FAF1: variants seen among roughly 807,000 people sequenced by gnomAD.
FAF1 encodes FAS-associated factor 1.
Under a neutral mutation model 92.5 loss-of-function variants are expected in FAF1, and 25 were observed. The ratio of observed to expected loss-of-function variants is 0.27; its 90% CI spans 0.20 to 0.38. The LOEUF is 0.38. Ranked by LOEUF, FAF1 falls within the 10% of genes least tolerant of loss-of-function variation. The pLI is 1.00. For synonymous variants in FAF1, 234 were observed against 273.2 expected (o/e 0.86, Z 1.42); for missense variants, 636 against 793.3 (o/e 0.80, Z 2.38).
At position 50,918,735 on chromosome 1, in the gene FAF1, A is replaced by G. The variant is rs2124730252; in HGVS notation, c.45+41032T>C. ...TAATGGGATGGCTGGGTCAAATGGT[A>G]TTTCTAGTTCTAGATCCCTGAGGAA... On this transcript the variant is annotated intron_variant, in intron 1 of 18. Transcript: ENST00000396153. 2.6e-5 allele frequency among the ~76,000 whole-genome samples: 3 copies of G among 116,050 alleles called. No homozygotes were observed. In the South Asian group the frequency reaches 1.0e-3, roughly 39 times the overall value. 76.1% of individuals were successfully genotyped at this position (116,050 alleles called of 152,430 possible).
chr1:50,733,685 A>G (rs909758949), intron 6 of FAF1, among the ~76,000 whole-genome samples: 15 of 152,242 alleles, frequency 9.9e-5, no homozygotes, highest in African/African-American at 3.6e-4. Context: ...GAGAGCTTTC[A>G]ACAGGAACTG....
chr1:50,900,869 T>C (rs1014695592), intron 1 of FAF1, among the ~76,000 whole-genome samples: 6 of 152,140 alleles, frequency 3.9e-5, no homozygotes, highest in African/African-American at 1.4e-4. Flanking sequence ...ATGCTATGTA[T>C]AACTATATAG....
Position 50,959,599 on chromosome 1 carries a change from T to C in FAF1, c.45+168A>G, listed in dbSNP as rs1157153851. 10 of 465,452 alleles carry C rather than the reference T, an allele frequency of 2.1e-5. No individual in the cohort carries two copies. In the East Asian group the frequency reaches 3.2e-4, roughly 15 times the overall value. The allele number at this position is 465,452 out of a possible 1,614,324, so 28.8% of individuals were successfully genotyped here. A position where few individuals can be genotyped will look rare whatever the true frequency, so the allele number is the denominator to read the frequency against. On this transcript the variant is annotated intron_variant, in intron 1 of 18. Coordinates refer to ENST00000396153, the MANE Select transcript of FAF1 (RefSeq NM_007051.3). Reference sequence around the variant, plus strand: ...CTACACACTCATGATAGCATATAAATTATACGCTTCTCCATAGCTCGCCAC... The same window carrying C: ...CTACACACTCATGATAGCATATAAACTATACGCTTCTCCATAGCTCGCCAC...
intron 7 of FAF1, among the ~76,000 whole-genome samples, chr1:50,679,635 C>T (rs374714827): frequency 3.1e-4 from 47 of 152,286 alleles, no homozygotes; most frequent in African/African-American, 1.1e-3. Context: ...TAGAGATCAT[C>T]TTTCATTCCC....
intron 15 of FAF1, among the ~76,000 whole-genome samples, chr1:50,519,151 G>A (rs956410312): frequency 6.6e-6 from 1 of 151,994 alleles, no homozygotes; most frequent in Non-Finnish European, 1.5e-5. Context: ...CCAGCATGGT[G>A]AAACCCTGTC....
intron 1 of FAF1, among the ~76,000 whole-genome samples, chr1:50,933,463 G>A (rs540579817): frequency 6.6e-6 from 1 of 152,250 alleles, no homozygotes; most frequent in Admixed American, 6.5e-5. Flanking sequence ...TTGCCAACAA[G>A]TTCCTCATCT....
intron 4 of FAF1, among the ~76,000 whole-genome samples, chr1:50,751,924 A>C (rs1659884571): frequency 6.6e-6 from 1 of 152,220 alleles, no homozygotes; most frequent in Middle Eastern, 3.2e-3. Flanking sequence ...AGAATTCACC[A>C]GAAAAGCCAT....
At chr1:50,937,873 G>A (rs932839025) in intron 1 of FAF1, among the ~76,000 whole-genome samples, 2 of 152,122 alleles carry the variant, frequency 1.3e-5, no homozygotes, top group African/African-American at 4.8e-5. Flanking sequence ...TGTCAAGTGA[G>A]TGAAAATATG....
At chr1:50,835,647 AT>A (rs1644194413) in intron 2 of FAF1, among the ~76,000 whole-genome samples, 1 of 152,078 alleles carries the variant, frequency 6.6e-6, no homozygotes, top group Non-Finnish European at 1.5e-5. Context: ...AAACTGTAAA[AT>A]TGGAGACACC....
chr1:50,749,781 C>A (rs1659777792), intron 4 of FAF1, among the ~76,000 whole-genome samples: 2 of 151,076 alleles, frequency 1.3e-5, no homozygotes, highest in African/African-American at 2.4e-5. Flanking sequence ...AGAGTGAGAA[C>A]CTGTCTCAGA....
chr1:50,813,016 C>T (rs1431198896), intron 2 of FAF1, among the ~76,000 whole-genome samples: 2 of 152,066 alleles, frequency 1.3e-5, no homozygotes, highest in African/African-American at 4.8e-5. Context: ...GAGGTAAATA[C>T]TCAGTTACAT....
intron 6 of FAF1, among the ~76,000 whole-genome samples, chr1:50,722,593 G>A (rs1446824248): frequency 6.7e-6 from 1 of 149,408 alleles, no homozygotes; most frequent in Non-Finnish European, 1.5e-5. Context: ...AGCTTGCAGT[G>A]AGCTGAGATC....
intron 6 of FAF1, among the ~76,000 whole-genome samples, chr1:50,728,561 C>T (rs1658759703): frequency 6.6e-6 from 1 of 151,938 alleles, no homozygotes; most frequent in African/African-American, 2.4e-5. Context: ...GAGGCTGAGG[C>T]AAGTGGATCA....
At chr1:50,943,658 A>G (rs1645151737) in intron 1 of FAF1, among the ~76,000 whole-genome samples, 1 of 152,116 alleles carries the variant, frequency 6.6e-6, no homozygotes. Context: ...GTGTGCCTAA[A>G]TAACTAATCA....
Position 50,534,278 on chromosome 1 carries a change from T to A in FAF1, c.1494+1091A>T, listed in dbSNP as rs368825062. 1.9e-4 allele frequency among the ~76,000 whole-genome samples: 29 copies of A among 152,192 alleles called. No individual in the cohort carries two copies. The South Asian group carries it at 4.8e-3, about 25-fold the overall frequency. On this transcript the variant is annotated intron_variant, in intron 15 of 18. Coordinates refer to ENST00000396153, the MANE Select transcript of FAF1 (RefSeq NM_007051.3). ...CCCTTTAGCCTTGGGGTCTATATTA[T>A]CTTCTGCTGATAATTTTTTTGAGAC...
At chr1:50,644,873 C>A (rs1308972855) in intron 8 of FAF1, among the ~76,000 whole-genome samples, 1 of 152,192 alleles carries the variant, frequency 6.6e-6, no homozygotes, top group Admixed American at 6.5e-5. Context: ...GGTCTTAGTG[C>A]TTGTAAGTTT....
intron 13 of FAF1, among the ~76,000 whole-genome samples, chr1:50,547,362 T>TA (rs1209149869): frequency 8.5e-5 from 13 of 152,154 alleles, no homozygotes; most frequent in Admixed American, 8.5e-4. Flanking sequence ...CCAGTAATAG[T>TA]AAACTGTTAA....
intron 1 of FAF1, among the ~76,000 whole-genome samples, chr1:50,870,283 C>G (rs1050823246): frequency 6.6e-6 from 1 of 152,152 alleles, no homozygotes; most frequent in African/African-American, 2.4e-5. Flanking sequence ...ACAGTGAAAC[C>G]CCGTCTCTAC....
intron 6 of FAF1, among the ~76,000 whole-genome samples, chr1:50,717,126 C>G (rs981978046): frequency 6.6e-6 from 1 of 152,126 alleles, no homozygotes; most frequent in Non-Finnish European, 1.5e-5. Context: ...TTGGAGTCAG[C>G]GAGAACAAGA....
Sources: allele counts gnomAD v4.1 joint callset (sites outside exome capture counted in the v4.1 genomes callset), GRCh38; gene constraint gnomAD v4.1.1; transcripts MANE v1.5; gene names NCBI Gene and HGNC (gene_info 2026-07-23, HGNC 2026-07-21).